The following SIAH1 variants were observed in gnomAD, a reference collection of about 807,000 sequenced individuals.
SIAH1 encodes E3 ubiquitin-protein ligase SIAH1.
In SIAH1, 2 loss-of-function variants were observed where a neutral mutation model predicts 20.0. That is an observed-to-expected ratio of 0.10 (90% CI 0.04 to 0.31). The LOEUF (loss-of-function observed/expected upper bound fraction) is 0.31, where lower values mean the gene tolerates loss of function less well. Among genes scored for constraint, SIAH1 ranks in the 10% least tolerant of loss-of-function variants. The probability of loss-of-function intolerance (pLI) is 1.00; values close to 1 mark genes in which losing one functional copy is unlikely to be tolerated. For missense variants in SIAH1, 119 were observed against 355.3 expected (o/e 0.33, Z 5.35); for synonymous variants, 118 against 125.3 (o/e 0.94, Z 0.39).
rs750775728 is a variant in SIAH1, at chr16:48,361,898, G to A, written c.531C>T (p.Asp177=). ...ATDINLPGAV[D]WVMMQSCFGF... ...CAAAACAGGACTGCATCATCACCCA[G>A]TCAACAGCACCAGGAAGATTAATGT... Residue 177 remains aspartate, a synonymous_variant, in exon 2 of 2, where the codon GAC becomes GAT. Transcript: ENST00000394725. 2.5e-6 allele frequency: 4 copies of A among 1,614,136 alleles called. No homozygotes were observed.
chr16:48,374,673 G>A lies in SIAH1; in HGVS notation c.-3+10531C>T, dbSNP rs1472202289. On this transcript the variant is annotated intron_variant, in intron 1 of 1. Coordinates refer to ENST00000394725, the MANE Select transcript of SIAH1 (RefSeq NM_003031.4). ...AACCTGATGGAACATTTAGACAAGC[G>A]GCAAGGAATGTGAGGTAGCATTAGC... Among the ~76,000 whole-genome samples, 44 of 152,046 alleles carry A rather than the reference G, an allele frequency of 2.9e-4. 1 individual carries two copies. The highest frequency in any genetic ancestry group is 2.1e-4 in the South Asian group (1 of 4,834).
chr16:48,367,277 A>C (rs1190887800), intron 1 of SIAH1, among the ~76,000 whole-genome samples: 2 of 152,362 alleles, frequency 1.3e-5, no homozygotes, highest in South Asian at 2.1e-4. Context: ...TCCAAACAGA[A>C]CCAAAATGTA....
At chr16:48,367,838 T>C (rs1489220039) in intron 1 of SIAH1, among the ~76,000 whole-genome samples, 2 of 152,310 alleles carry the variant, frequency 1.3e-5, no homozygotes, top group Non-Finnish European at 2.9e-5. Context: ...GACAAGCCCA[T>C]AGAATCCAAA....
chr16:48,365,984 A>T, intron 1 of SIAH1: 1 of 1,022,988 alleles, frequency 9.8e-7, no homozygotes, highest in Non-Finnish European at 1.2e-6. Context: ...GGGCCAGTTC[A>T]GGGCGCGCGG....
intron 1 of SIAH1, among the ~76,000 whole-genome samples, chr16:48,382,686 G>C (rs900568942): frequency 2.0e-5 from 3 of 152,050 alleles, no homozygotes; most frequent in Non-Finnish European, 4.4e-5. Flanking sequence ...TTGAAAGAGA[G>C]GGCTGTACAA....
intron 1 of SIAH1, among the ~76,000 whole-genome samples, chr16:48,383,744 C>G (rs984902117): frequency 6.6e-6 from 1 of 152,092 alleles, no homozygotes; most frequent in African/African-American, 2.4e-5. Context: ...ATTTATCATA[C>G]AAATCTCCTT....
chr16:48,365,285 G>A (rs1960785635), intron 1 of SIAH1: 7 of 1,208,288 alleles, frequency 5.8e-6, no homozygotes, highest in Middle Eastern at 2.0e-4. Flanking sequence ...CCTCGGAAAC[G>A]TCTCGATTCT....
chr16:48,364,506 G>T (rs1411306983), intron 1 of SIAH1, among the ~76,000 whole-genome samples: 1 of 152,160 alleles, frequency 6.6e-6, no homozygotes. Flanking sequence ...ATCGTAATGT[G>T]TCTCATCATA....
intron 1 of SIAH1, among the ~76,000 whole-genome samples, chr16:48,370,722 C>G (rs1277366702): frequency 3.3e-5 from 5 of 151,068 alleles, no homozygotes; most frequent in African/African-American, 4.9e-5. Flanking sequence ...AGGAGAATGG[C>G]GTGAATCCGG....
chr16:48,372,549 T>C (rs554788621), intron 1 of SIAH1, among the ~76,000 whole-genome samples: 16 of 152,338 alleles, frequency 1.1e-4, no homozygotes, highest in Admixed American at 1.0e-3. Flanking sequence ...TTCATATTTA[T>C]GGCCACACTG....
At chr16:48,365,440 C>T in intron 1 of SIAH1, 1 of 1,613,986 alleles carries the variant, frequency 6.2e-7, no homozygotes, top group Non-Finnish European at 8.5e-7. Flanking sequence ...GACTCCCCTC[C>T]AGGAGTACAG....
Position 48,361,943 on chromosome 16 carries a change from A to G in SIAH1, c.486T>C (p.Asp162=), listed in dbSNP as rs140192307. The change falls in exon 2 of 2, where the codon GAT becomes GAC. Residue 162 remains aspartate (D), a synonymous_variant. Transcript: ENST00000394725. ...TAATGTCTGTAGCAAGAAAAACTAT[A>G]TCCTCTCCCTGTAGGGTTGTAATGG... ...HKSITTLQGE[D]IVFLATDINL... is the part of the protein sequence containing the mutation. 4 of 1,614,050 alleles carry G rather than the reference A, an allele frequency of 2.5e-6. No individual in the cohort carries two copies. The African/African-American group carries it at 5.3e-5, about 22-fold the overall frequency.
At chr16:48,381,852 A>C (rs1380058671) in intron 1 of SIAH1, among the ~76,000 whole-genome samples, 3 of 152,128 alleles carry the variant, frequency 2.0e-5, no homozygotes, top group Non-Finnish European at 2.9e-5. Flanking sequence ...ACGCCACTAT[A>C]ATCTTTGGGT....
intron 1 of SIAH1, among the ~76,000 whole-genome samples, chr16:48,384,802 G>A (rs1300630363): frequency 6.7e-6 from 1 of 150,330 alleles, no homozygotes; most frequent in Non-Finnish European, 1.5e-5. Context: ...GCACACCCCG[G>A]GACCCTCCAC....
At chr16:48,370,283 T>C (rs1405064491) in intron 1 of SIAH1, among the ~76,000 whole-genome samples, 1 of 152,164 alleles carries the variant, frequency 6.6e-6, no homozygotes, top group East Asian at 1.9e-4. Context: ...AACCCCTCTA[T>C]ATAAATTTTC....
chr16:48,365,406 G>A, intron 1 of SIAH1: 1 of 1,613,936 alleles, frequency 6.2e-7, no homozygotes, highest in Non-Finnish European at 8.5e-7. Context: ...TCCTTGTCCT[G>A]GCCGCTGGTA....
rs373505962 is a variant in SIAH1 at position 48,382,694 on chromosome 16, C to CA, written c.-3+2509dup. Among the ~76,000 whole-genome samples, 386 of 152,070 alleles carry CA rather than the reference C, an allele frequency of 2.5e-3. 3 individuals are homozygous for CA. The highest frequency in any genetic ancestry group is 8.5e-3 in the African/African-American group (353 of 41,490). On this transcript the variant is annotated intron_variant, in intron 1 of 1. Transcript: ENST00000394725. ...GATTTTGTTGAAAGAGAGGGCTGTA[C>CA]AAAAAATATCTAGATTTTAACATTT...
At chr16:48,365,657 G>C in intron 1 of SIAH1, 2 of 1,432,598 alleles carry the variant, frequency 1.4e-6, no homozygotes, top group Non-Finnish European at 1.8e-6. Context: ...TCCATCCCCA[G>C]GAGGCAACCA....
At chr16:48,366,006 A>G (rs4785516) in intron 1 of SIAH1, 776,736 of 785,818 alleles carry the variant, frequency 0.99, 384,996 homozygotes, top group Non-Finnish European at 1. Context: ...GCACAGGGCG[A>G]TGCCCGTCTT....
Sources: allele counts gnomAD v4.1 joint callset (sites outside exome capture counted in the v4.1 genomes callset), GRCh38; gene constraint gnomAD v4.1.1; transcripts MANE v1.5; gene names NCBI Gene and HGNC (gene_info 2026-07-23, HGNC 2026-07-21).